Variants in SIPA1L1 observed in about 807,000 individuals in gnomAD.
SIPA1L1 encodes the protein signal-induced proliferation-associated 1-like protein 1.
SIPA1L1 carries 26 observed loss-of-function variants against 162.7 expected under a neutral mutation model. That is an observed-to-expected ratio of 0.16 (90% CI 0.12 to 0.22). The LOEUF (loss-of-function observed/expected upper bound fraction) is 0.22, where lower values mean the gene tolerates loss of function less well. Among genes scored for constraint, SIPA1L1 ranks in the 10% least tolerant of loss-of-function variants. SIPA1L1 has a pLI of 1.00. For synonymous variants in SIPA1L1, 829 were observed against 837.4 expected (o/e 0.99, Z 0.17); for missense variants, 1,874 against 2,241.0 (o/e 0.84, Z 3.31).
chr14:71,661,527 C>A (rs1566590660), intron 10 of SIPA1L1, 60 bp downstream of exon 10: 1 of 1,547,938 alleles, frequency 6.5e-7, no homozygotes, highest in African/African-American at 1.4e-5. Context: ...GCATAGAGGC[C>A]CCATTCAGCT....
chr14:71,636,174 C>T (rs1247673051), intron 7 of SIPA1L1, among the ~76,000 whole-genome samples: 1 of 152,206 alleles, frequency 6.6e-6, no homozygotes, highest in Non-Finnish European at 1.5e-5. Flanking sequence ...TCAGCAAAGA[C>T]ATAGAACTTC....
chr14:71,412,106 C>T (rs1387002440), intron 2 of SIPA1L1, among the ~76,000 whole-genome samples: 1 of 152,190 alleles, frequency 6.6e-6, no homozygotes, highest in Non-Finnish European at 1.5e-5. Flanking sequence ...TAGATTTCTT[C>T]ACCTATTCTA....
chr14:71,341,414 G>T (rs759108335), intron 2 of SIPA1L1, among the ~76,000 whole-genome samples: 1 of 152,040 alleles, frequency 6.6e-6, no homozygotes, highest in Admixed American at 6.6e-5. Flanking sequence ...TAAAATTATC[G>T]GGCTGTCATC....
At chr14:71,523,898 A>C (rs1478563499) in intron 3 of SIPA1L1, among the ~76,000 whole-genome samples, 1 of 152,006 alleles carries the variant, frequency 6.6e-6, no homozygotes, top group Non-Finnish European at 1.5e-5. Context: ...GCACTTCCTT[A>C]CTTTTTGGCA....
intron 2 of SIPA1L1, among the ~76,000 whole-genome samples, chr14:71,430,528 G>A (rs901283860): frequency 6.6e-6 from 1 of 152,228 alleles, no homozygotes; most frequent in South Asian, 2.1e-4. Context: ...AGCCCAGCAG[G>A]GTTTTTGGGA....
intron 4 of SIPA1L1, among the ~76,000 whole-genome samples, chr14:71,573,219 A>T (rs932030961): frequency 1.3e-5 from 2 of 152,144 alleles, no homozygotes; most frequent in Non-Finnish European, 2.9e-5. Context: ...TGATAAAAAC[A>T]TAAACGAATT....
At chr14:71,379,798 G>C (rs1470527871) in intron 2 of SIPA1L1, among the ~76,000 whole-genome samples, 1 of 152,144 alleles carries the variant, frequency 6.6e-6, no homozygotes. Flanking sequence ...TATTAGTGGT[G>C]TTTACTTTCT....
chr14:71,661,003 A>G (rs773724931), intron 9 of SIPA1L1, among the ~76,000 whole-genome samples: 2 of 152,220 alleles, frequency 1.3e-5, no homozygotes, highest in African/African-American at 2.4e-5. Flanking sequence ...TTATGTGAAA[A>G]TGGAACAACA....
intron 2 of SIPA1L1, among the ~76,000 whole-genome samples, chr14:71,481,841 G>A (rs2048377349): frequency 6.6e-6 from 1 of 152,136 alleles, no homozygotes; most frequent in Non-Finnish European, 1.5e-5. Context: ...GGAAGGTGAA[G>A]TTTAAGGTAA....
At chr14:71,353,659 T>C (rs1445363427) in intron 2 of SIPA1L1, among the ~76,000 whole-genome samples, 1 of 152,162 alleles carries the variant, frequency 6.6e-6, no homozygotes, top group Non-Finnish European at 1.5e-5. Flanking sequence ...GGAGTGATTA[T>C]GGTGACTAGA....
intron 3 of SIPA1L1, among the ~76,000 whole-genome samples, chr14:71,516,744 A>T (rs2051768295): frequency 6.6e-6 from 1 of 151,774 alleles, no homozygotes; most frequent in Non-Finnish European, 1.5e-5. Context: ...AGGCTGAGGC[A>T]GGCGGATTGC....
At chr14:71,535,068 A>T (rs1435582290) in intron 4 of SIPA1L1, among the ~76,000 whole-genome samples, 1 of 152,222 alleles carries the variant, frequency 6.6e-6, no homozygotes, top group African/African-American at 2.4e-5. Context: ...AACCATCTAT[A>T]ATTTTACCGT....
In SIPA1L1 at chr14:71,705,238, C is replaced by T; in HGVS notation, c.3663C>T (p.Leu1221=). 1 of 1,613,588 alleles carries T rather than the reference C, an allele frequency of 6.2e-7. No homozygotes were observed. The highest frequency in any genetic ancestry group is 8.5e-7 in the Non-Finnish European group (1 of 1,179,464). ...IADQMEPTCH[L]PAVSKVLPAF... ...GTATTCCAGAGCCAACATGCCATCT[C>T]CCAGCAGTATCAAAGGTACTGCCAG... is the stretch of plus-strand genomic sequence containing the variant. The change falls in exon 16 of 24, where the codon CTC becomes CTT. Residue 1221 remains leucine (L), a synonymous_variant. Transcript: ENST00000381232.
chr14:71,350,745 C>T (rs1009030482), intron 2 of SIPA1L1, among the ~76,000 whole-genome samples: 1 of 152,176 alleles, frequency 6.6e-6, no homozygotes, highest in Non-Finnish European at 1.5e-5. Context: ...CTGTGCTAAT[C>T]TTGTTTTCCT....
intron 2 of SIPA1L1, among the ~76,000 whole-genome samples, chr14:71,370,092 A>G (rs1008462163): frequency 1.5e-5 from 2 of 137,542 alleles, no homozygotes; most frequent in African/African-American, 5.4e-5. Context: ...TAGATAAACA[A>G]TCATGTCGTC....
chr14:71,670,768 A>C (rs1481319555), intron 10 of SIPA1L1, among the ~76,000 whole-genome samples: 2 of 152,180 alleles, frequency 1.3e-5, no homozygotes, highest in Admixed American at 1.3e-4. Flanking sequence ...CCTTGAAAAC[A>C]GTTAGTAGGT....
intron 2 of SIPA1L1, chr14:71,416,429 G>A (rs141539725): frequency 2.6e-5 from 4 of 151,462 alleles, no homozygotes; most frequent in Admixed American, 1.3e-4. Flanking sequence ...GAGTTGCTTC[G>A]TTTGATAACT....
Position 71,618,788 on chromosome 14 carries a change from T to A in SIPA1L1, c.1530T>A (p.Asn510Lys). 1.9e-6 allele frequency: 3 copies of A among 1,614,000 alleles called. No individual in the cohort carries two copies. Among genetic ancestry groups the A allele is most frequent in the Non-Finnish European group, 2.5e-6 (3 of 1,179,914 alleles). ...EHWNYFGADENLGPVAVSIRR... is the reference protein window; with the variant it reads ...EHWNYFGADEKLGPVAVSIRR... Reference sequence around the variant, plus strand: ...GGAACTATTTTGGGGCTGATGAGAATCTTGGTCCAGTGGCTGTGAGCATTC... The same window carrying A: ...GGAACTATTTTGGGGCTGATGAGAAACTTGGTCCAGTGGCTGTGAGCATTC... The change falls in exon 6 of 24, where the codon AAT becomes AAA. Residue 510 changes from asparagine (N) to lysine (K), a missense_variant. This residue lies in a region of SIPA1L1 where 685 missense variants were observed against 828.0 expected (regional missense o/e 0.83). Coordinates refer to ENST00000381232, the MANE Select transcript of SIPA1L1 (RefSeq NM_001386936.1).
intron 3 of SIPA1L1, among the ~76,000 whole-genome samples, chr14:71,518,458 C>G (rs1272458021): frequency 6.6e-6 from 1 of 152,124 alleles, no homozygotes. Flanking sequence ...GGAAGTCTTA[C>G]TGTGTTATAA....
Sources: gnomAD v4.1 joint callset for allele counts (sites outside exome capture counted in the v4.1 genomes callset) on GRCh38, gnomAD v4.1.1 for gene constraint, gnomAD v4.1.1 regional missense constraint, MANE v1.5 for transcripts, NCBI Gene and HGNC (gene_info 2026-07-23, HGNC 2026-07-21) for gene names.